Variants in WDFY2 observed in about 807,000 individuals in gnomAD.
WDFY2 encodes the protein WD repeat and FYVE domain-containing protein 2.
WDFY2 carries 36 observed loss-of-function variants against 56.4 expected under a neutral mutation model. The ratio of observed to expected loss-of-function variants is 0.64; its 90% CI spans 0.49 to 0.84. The LOEUF (loss-of-function observed/expected upper bound fraction) is 0.84, where lower values mean the gene tolerates loss of function less well. Among genes scored for constraint, WDFY2 ranks in the 40% least tolerant of loss-of-function variants. The pLI is 0.00. For missense variants in WDFY2, 444 were observed against 512.2 expected (o/e 0.87, Z 1.29); for synonymous variants, 176 against 183.7 (o/e 0.96, Z 0.34).
intron 1 of WDFY2, among the ~76,000 whole-genome samples, chr13:51,647,781 A>G (rs1019962908): frequency 1.8e-4 from 28 of 151,868 alleles, no homozygotes; most frequent in Admixed American, 3.3e-4. Context: ...AAAAAAAAAA[A>G]AAAAAACCTT....
At chr13:51,703,696 T>A in intron 4 of WDFY2, 46 bp downstream of exon 4, 3 of 1,502,410 alleles carry the variant, frequency 2.0e-6, no homozygotes, top group Non-Finnish European at 2.7e-6. Context: ...TCTAAAATAC[T>A]TCTTGGTGGT....
intron 3 of WDFY2, among the ~76,000 whole-genome samples, chr13:51,698,631 G>A (rs1951923249): frequency 6.6e-6 from 1 of 152,196 alleles, no homozygotes; most frequent in Non-Finnish European, 1.5e-5. Flanking sequence ...TTTTCATTAT[G>A]TGCGAGAAGT....
chr13:51,729,451 T>C (rs921752581), intron 6 of WDFY2, among the ~76,000 whole-genome samples: 6 of 151,472 alleles, frequency 4.0e-5, no homozygotes, highest in African/African-American at 1.5e-4. Flanking sequence ...GCCCACTGTA[T>C]ATCCCCCTCA....
chr13:51,684,309 A>C (rs889344745), intron 3 of WDFY2, among the ~76,000 whole-genome samples: 4 of 152,202 alleles, frequency 2.6e-5, no homozygotes, highest in Admixed American at 1.3e-4. Context: ...GTAGAAAAAG[A>C]AAGGAGCCAA....
intron 1 of WDFY2, among the ~76,000 whole-genome samples, chr13:51,628,825 G>A (rs1219276584): frequency 6.6e-6 from 1 of 152,202 alleles, no homozygotes; most frequent in Non-Finnish European, 1.5e-5. Context: ...CCATTGACCA[G>A]CATTTAAAAA....
intron 4 of WDFY2, among the ~76,000 whole-genome samples, chr13:51,707,849 G>A (rs1308871133): frequency 6.7e-6 from 1 of 149,838 alleles, no homozygotes; most frequent in African/African-American, 2.5e-5. Flanking sequence ...TACTATTGTA[G>A]GTTCTAGAAT....
intron 2 of WDFY2, among the ~76,000 whole-genome samples, chr13:51,668,478 G>T (rs748852412): frequency 1.3e-5 from 2 of 152,142 alleles, no homozygotes; most frequent in African/African-American, 2.4e-5. Context: ...ATACTTTTTA[G>T]TGCTAGAAAA....
chr13:51,751,478 T>C (rs1953235438), intron 8 of WDFY2, 63 bp downstream of exon 8: 4 of 1,396,464 alleles, frequency 2.9e-6, no homozygotes, highest in Non-Finnish European at 4.1e-6. Context: ...TTCCTGCTTA[T>C]TTCTTATTTC....
intron 3 of WDFY2, among the ~76,000 whole-genome samples, chr13:51,690,265 T>C (rs1264986518): frequency 6.6e-6 from 1 of 151,482 alleles, no homozygotes; most frequent in African/African-American, 2.4e-5. Context: ...TACATATGTA[T>C]ACATGTGCCA....
intron 1 of WDFY2, among the ~76,000 whole-genome samples, chr13:51,649,273 G>C (rs1435595057): frequency 3.3e-5 from 5 of 152,120 alleles, no homozygotes; most frequent in Admixed American, 6.5e-5. Flanking sequence ...CCTCGTGCTG[G>C]GAGCTTAGGA....
chr13:51,711,766 C>T (rs532175780), intron 4 of WDFY2, among the ~76,000 whole-genome samples: 3 of 152,148 alleles, frequency 2.0e-5, no homozygotes, highest in East Asian at 1.9e-4. Flanking sequence ...GTTAGAATGG[C>T]GATCATTAAA....
intron 3 of WDFY2, among the ~76,000 whole-genome samples, chr13:51,689,864 A>T (rs1384025860): frequency 6.6e-6 from 1 of 152,210 alleles, no homozygotes; most frequent in African/African-American, 2.4e-5. Context: ...CACTGAAACC[A>T]GTAGTTTTCA....
intron 1 of WDFY2, among the ~76,000 whole-genome samples, chr13:51,620,612 A>G (rs1954706903): frequency 6.6e-6 from 1 of 151,922 alleles, no homozygotes; most frequent in Non-Finnish European, 1.5e-5. Flanking sequence ...ATCCACCTCT[A>G]TCCAGACAGG....
intron 6 of WDFY2, among the ~76,000 whole-genome samples, chr13:51,731,490 CACTA>C (rs914564951): frequency 4.6e-5 from 7 of 152,168 alleles, no homozygotes; most frequent in African/African-American, 1.4e-4. Flanking sequence ...CTAGGAAGGT[CACTA>C]ACTAACAGGA....
At chr13:51,697,609 G>T (rs1280708886) in intron 3 of WDFY2, among the ~76,000 whole-genome samples, 1 of 151,080 alleles carries the variant, frequency 6.6e-6, no homozygotes, top group Non-Finnish European at 1.5e-5. Context: ...CTCCAGCCTG[G>T]GTGACAAAGC....
At chr13:51,652,124 C>T (rs1206550003) in intron 1 of WDFY2, among the ~76,000 whole-genome samples, 1 of 152,200 alleles carries the variant, frequency 6.6e-6, no homozygotes, top group Admixed American at 6.5e-5. Flanking sequence ...ATAGGTAGCT[C>T]TTCTTGTTGA....
At chr13:51,673,080 C>T (rs996666903) in intron 2 of WDFY2, among the ~76,000 whole-genome samples, 1 of 152,100 alleles carries the variant, frequency 6.6e-6, no homozygotes, top group African/African-American at 2.4e-5. Flanking sequence ...AGCAGTAATA[C>T]TTTATATATC....
chr13:51,719,715 C>T (rs370873071), intron 5 of WDFY2, among the ~76,000 whole-genome samples: 1 of 152,170 alleles, frequency 6.6e-6, no homozygotes, highest in Non-Finnish European at 1.5e-5. Context: ...GTAATTTACA[C>T]ATAGATACCA....
intron 4 of WDFY2, among the ~76,000 whole-genome samples, chr13:51,714,022 TAG>T (rs923123072): frequency 2.6e-5 from 4 of 152,036 alleles, no homozygotes; most frequent in Non-Finnish European, 5.9e-5. Flanking sequence ...GAGAAAGTTC[TAG>T]AGAGTGAAAG....
Sources: gnomAD v4.1 joint callset for allele counts (sites outside exome capture counted in the v4.1 genomes callset) on GRCh38, gnomAD v4.1.1 for gene constraint, MANE v1.5 for transcripts, NCBI Gene and HGNC (gene_info 2026-07-23, HGNC 2026-07-21) for gene names.